The following CNTN6 variants were observed in gnomAD, a reference collection of about 807,000 sequenced individuals.
The protein encoded by CNTN6 is contactin 6.
In CNTN6, 137 loss-of-function variants were observed where a neutral mutation model predicts 122.8. The ratio of observed to expected loss-of-function variants is 1.12; its 90% CI spans 0.97 to 1.29. CNTN6 has a LOEUF of 1.29. Ranked by LOEUF, CNTN6 falls within the 50% of genes most tolerant of loss-of-function variation. The pLI, the probability that CNTN6 is intolerant of heterozygous loss-of-function variation, is 0.00. For synonymous variants in CNTN6, 570 were observed against 426.0 expected (o/e 1.34, Z -4.16); for missense variants, 1,634 against 1,223.4 (o/e 1.34, Z -5.01).
chr3:1,102,833 A>C lies in CNTN6; in HGVS notation c.-83+9713A>C, dbSNP rs375524115. Among the ~76,000 whole-genome samples, 716 of 144,874 alleles carry C rather than the reference A, an allele frequency of 4.9e-3. 23 individuals carry two copies. The highest frequency in any genetic ancestry group is 0.013 in the African/African-American group (541 of 40,570). ...ATACAAAATTAATGTCCAGGCCGGG[A>C]GCTGTGGCTCACGCCTGTAATCCCA... is the stretch of plus-strand genomic sequence containing the variant. On this transcript the variant is annotated intron_variant, in intron 1 of 22. Transcript: ENST00000446702.
intron 7 of CNTN6, among the ~76,000 whole-genome samples, chr3:1,299,054 G>T: frequency 6.6e-6 from 1 of 152,108 alleles, no homozygotes; most frequent in Admixed American, 6.5e-5. Context: ...TTCTATAGAT[G>T]GAGTTTTGCA....
At position 1,219,234 on chromosome 3, in the gene CNTN6, C is replaced by T. The variant is rs931405695; in HGVS notation, c.56-1453C>T. On this transcript the variant is annotated intron_variant, in intron 2 of 22. Transcript: ENST00000446702. ...TACTGGAGAAGTCTGACAGGTACCA[C>T]CTTAGTCAAATGATTATTTAACTTC... is the stretch of plus-strand genomic sequence containing the variant. 4.6e-5 allele frequency among the ~76,000 whole-genome samples: 7 copies of T among 152,200 alleles called. No homozygotes were observed. In the East Asian group the frequency reaches 9.6e-4, roughly 21 times the overall value.
chr3:1,201,515 A>G (rs982460240), intron 2 of CNTN6, among the ~76,000 whole-genome samples: 1 of 152,202 alleles, frequency 6.6e-6, no homozygotes, highest in South Asian at 2.1e-4. Context: ...CAGCTTAACT[A>G]TCATTGGAAC....
At chr3:1,297,762 C>G in intron 6 of CNTN6, 127 bp from the exon 7 acceptor site, 1 of 716,850 alleles carries the variant, frequency 1.4e-6, no homozygotes, top group Non-Finnish European at 2.4e-6. Flanking sequence ...CTATATGTAT[C>G]CAATTCTTAA....
chr3:1,237,692 A>G lies in CNTN6; in HGVS notation c.358+9699A>G, dbSNP rs545504013. 3.3e-5 allele frequency among the ~76,000 whole-genome samples: 5 copies of G among 152,340 alleles called. No individual in the cohort carries two copies. The South Asian group carries it at 1.0e-3, about 32-fold the overall frequency. ...ATAAAGGAAAACCTATCAGATTAACAGAAGATTTCTTAGCAGGAACCCTAC... is the reference window on the plus strand; with the variant it reads ...ATAAAGGAAAACCTATCAGATTAACGGAAGATTTCTTAGCAGGAACCCTAC... On this transcript the variant is annotated intron_variant, in intron 4 of 22. Coordinates refer to ENST00000446702, the MANE Select transcript of CNTN6 (RefSeq NM_001289080.2).
At chr3:1,375,608 G>C (rs1709745019) in intron 16 of CNTN6, among the ~76,000 whole-genome samples, 1 of 152,052 alleles carries the variant, frequency 6.6e-6, no homozygotes. Flanking sequence ...TCCTGAGATA[G>C]TGTGCAGTTA....
At chr3:1,337,022 A>C (rs1164776885) in intron 11 of CNTN6, among the ~76,000 whole-genome samples, 1 of 152,184 alleles carries the variant, frequency 6.6e-6, no homozygotes, top group Non-Finnish European at 1.5e-5. Context: ...TGAGCAAGTC[A>C]CTGGATCTTT....
chr3:1,264,657 G>A (rs903177550), intron 4 of CNTN6, among the ~76,000 whole-genome samples: 1 of 152,050 alleles, frequency 6.6e-6, no homozygotes, highest in Non-Finnish European at 1.5e-5. Flanking sequence ...TTATGGAATG[G>A]TTAAATCAAG....
chr3:1,094,084 G>A (rs2090388579), intron 1 of CNTN6, among the ~76,000 whole-genome samples: 1 of 152,184 alleles, frequency 6.6e-6, no homozygotes, highest in African/African-American at 2.4e-5. Context: ...TTTATCTACA[G>A]TGGCAATGTT....
At chr3:1,280,102 T>C (rs752206430) in intron 5 of CNTN6, among the ~76,000 whole-genome samples, 17 of 152,240 alleles carry the variant, frequency 1.1e-4, no homozygotes, top group Non-Finnish European at 2.4e-4. Flanking sequence ...CTATGTCATT[T>C]TATGCTCTTA....
At chr3:1,253,661 C>T (rs191744206) in intron 4 of CNTN6, among the ~76,000 whole-genome samples, 2 of 152,242 alleles carry the variant, frequency 1.3e-5, no homozygotes, top group Non-Finnish European at 2.9e-5. Context: ...ATAAGGAGTG[C>T]ACAACCTAGA....
Position 1,099,141 on chromosome 3 carries a change from T to G in CNTN6, c.-83+6021T>G, listed in dbSNP as rs9862751. On this transcript the variant is annotated intron_variant, in intron 1 of 22. Transcript: ENST00000446702. ...GTAACTCATTCCATATTAGACTATT[T>G]AGACTCATTCTTATAAATAAACACA... Among the ~76,000 whole-genome samples the G allele has an allele frequency of 4.2e-3, 644 of 152,244 alleles. 5 individuals carry two copies. Among genetic ancestry groups the G allele is most frequent in the African/African-American group, 0.015 (614 of 41,560 alleles).
At chr3:1,388,777 A>G (rs1186566202) in intron 20 of CNTN6, among the ~76,000 whole-genome samples, 1 of 150,034 alleles carries the variant, frequency 6.7e-6, no homozygotes, top group African/African-American at 2.5e-5. Context: ...CAGAAGCCTC[A>G]GGAGCCGATG....
chr3:1,271,558 T>C (rs1353795234), intron 4 of CNTN6, among the ~76,000 whole-genome samples: 2 of 152,192 alleles, frequency 1.3e-5, no homozygotes, highest in Non-Finnish European at 2.9e-5. Context: ...TCTATGTTGG[T>C]CAAAATAAGG....
intron 2 of CNTN6, among the ~76,000 whole-genome samples, chr3:1,199,235 G>A (rs1179407832): frequency 1.4e-5 from 2 of 147,440 alleles, no homozygotes; most frequent in Non-Finnish European, 3.0e-5. Flanking sequence ...CTGGAGAGCA[G>A]TGACACCATC....
chr3:1,223,937 C>T (rs1180330341), intron 3 of CNTN6, among the ~76,000 whole-genome samples: 1 of 152,150 alleles, frequency 6.6e-6, no homozygotes, highest in East Asian at 1.9e-4. Flanking sequence ...TTATTGCACA[C>T]ATCGTATAAT....
At position 1,373,618 on chromosome 3, in the gene CNTN6, C is replaced by G. The variant is rs200606677; in HGVS notation, c.1801C>G (p.Pro601Ala). 10 of 1,611,846 alleles carry G rather than the reference C, an allele frequency of 6.2e-6. No individual in the cohort carries two copies. The highest frequency in any genetic ancestry group is 8.5e-6 in the Non-Finnish European group (10 of 1,178,910). Residue 601 changes from proline (P) to alanine (A), a missense_variant, in exon 15 of 23, where the codon CCT (proline) becomes GCT (alanine). By Grantham distance (27) the Pro-to-Ala change is conservative (BLOSUM62 -1). Coordinates refer to ENST00000446702, the MANE Select transcript of CNTN6 (RefSeq NM_001289080.2). ...DIIVRGPPGP[P>A]EDVQVEDISS... ...TTTTTTTCAAGGTCCACCAGGTCCT[C>G]CTGAGGATGTGCAAGTGGAAGACAT...
chr3:1,365,321 A>G (rs1176899838), intron 12 of CNTN6, among the ~76,000 whole-genome samples: 1 of 152,098 alleles, frequency 6.6e-6, no homozygotes, highest in Admixed American at 6.6e-5. Flanking sequence ...TCTTTTTAAT[A>G]TAACATAAAA....
At chr3:1,101,096 C>T (rs1264201407) in intron 1 of CNTN6, among the ~76,000 whole-genome samples, 2 of 152,084 alleles carry the variant, frequency 1.3e-5, no homozygotes, top group Admixed American at 6.5e-5. Context: ...TGGTTCTGGA[C>T]TATTTTATAT....
Sources: gnomAD v4.1 joint callset for allele counts (sites outside exome capture counted in the v4.1 genomes callset) on GRCh38, gnomAD v4.1.1 for gene constraint, MANE v1.5 for transcripts, NCBI Gene and HGNC (gene_info 2026-07-23, HGNC 2026-07-21) for gene names.